Variants in PCDHA11 observed in about 807,000 individuals in gnomAD.
PCDHA11 encodes the protein protocadherin alpha-11.
Under a neutral mutation model 70.3 loss-of-function variants are expected in PCDHA11, and 61 were observed. The observed-to-expected ratio is 0.87, with a 90% confidence interval of 0.71 to 1.07. PCDHA11 has a LOEUF of 1.07. Ranked by LOEUF, PCDHA11 falls within the 50% of genes least tolerant of loss-of-function variation. The pLI is 0.00. For synonymous variants in PCDHA11, 633 were observed against 555.1 expected, an observed-to-expected ratio of 1.14 and a Z score of -1.97; for missense variants, 1,324 against 1,237.5, an observed-to-expected ratio of 1.07 and a Z score of -1.05.
intron 1 of PCDHA11, among the ~76,000 whole-genome samples, chr5:140,903,450 T>A (rs2070311741): frequency 2.6e-5 from 4 of 152,202 alleles, no homozygotes; most frequent in Admixed American, 1.3e-4. Flanking sequence ...ATTCATCTGA[T>A]CAAACTTAAA....
intron 1 of PCDHA11, among the ~76,000 whole-genome samples, chr5:140,914,381 T>C (rs192645626): frequency 1.7e-4 from 26 of 152,352 alleles, no homozygotes; most frequent in Admixed American, 2.6e-4. Flanking sequence ...TTATCTGTTA[T>C]AAGTGTAGTT....
intron 1 of PCDHA11, among the ~76,000 whole-genome samples, chr5:140,904,764 A>G (rs1354356510): frequency 2.0e-5 from 3 of 152,240 alleles, no homozygotes; most frequent in African/African-American, 4.8e-5. Context: ...CAAGAATAAG[A>G]TGGTATCACA....
intron 1 of PCDHA11, among the ~76,000 whole-genome samples, chr5:140,898,010 T>A (rs2066467224): frequency 6.6e-6 from 1 of 152,240 alleles, no homozygotes; most frequent in African/African-American, 2.4e-5. Context: ...TCTGTTCATA[T>A]CCTTTGCCCA....
At chr5:140,917,015 G>A (rs538557329) in intron 1 of PCDHA11, among the ~76,000 whole-genome samples, 1 of 152,240 alleles carries the variant, frequency 6.6e-6, no homozygotes, top group East Asian at 1.9e-4. Flanking sequence ...CTCCCTTCAT[G>A]TGCAGCTGCT....
chr5:140,876,511 G>A lies in PCDHA11; in HGVS notation c.2391+5017G>A, dbSNP rs559810221. 2.4e-4 allele frequency: 380 copies of A among 1,614,076 alleles called. 4 individuals carry two copies. The South Asian group carries it at 3.9e-3, about 16-fold the overall frequency. ...GGAAGTTCTGGACGTGAATGACAATGTCCCTGAAGTAATGGTTACTTCACT... is the reference window on the plus strand; with the variant it reads ...GGAAGTTCTGGACGTGAATGACAATATCCCTGAAGTAATGGTTACTTCACT... On this transcript the variant is annotated intron_variant, in intron 1 of 3. Coordinates refer to ENST00000398640, the MANE Select transcript of PCDHA11 (RefSeq NM_018902.5).
chr5:140,961,878 C>A (rs2095639757), intron 1 of PCDHA11, among the ~76,000 whole-genome samples: 1 of 150,888 alleles, frequency 6.6e-6, no homozygotes, highest in Non-Finnish European at 1.5e-5. Context: ...AATTGACTTA[C>A]TTACATCAGT....
intron 1 of PCDHA11, among the ~76,000 whole-genome samples, chr5:140,922,582 G>A (rs548638056): frequency 2.6e-5 from 4 of 152,276 alleles, no homozygotes; most frequent in Non-Finnish European, 4.4e-5. Context: ...CCCTGTAGCC[G>A]CCAGTTCTCA....
chr5:140,937,937 G>T (rs1584936873), intron 1 of PCDHA11, among the ~76,000 whole-genome samples: 1 of 151,274 alleles, frequency 6.6e-6, no homozygotes. Flanking sequence ...AGTTTAATTT[G>T]ATAATTGGCT....
chr5:140,975,216 G>A (rs1349439819), intron 1 of PCDHA11, among the ~76,000 whole-genome samples: 1 of 152,198 alleles, frequency 6.6e-6, no homozygotes, highest in Non-Finnish European at 1.5e-5. Context: ...TGGCACTGGA[G>A]AATCTTCCCT....
intron 1 of PCDHA11, among the ~76,000 whole-genome samples, chr5:140,933,958 G>A (rs2089541288): frequency 1.3e-5 from 2 of 151,998 alleles, no homozygotes; most frequent in South Asian, 4.1e-4. Context: ...AGGATCTGTA[G>A]TGATGTTTCC....
chr5:140,942,197 T>C (rs2093245078), intron 1 of PCDHA11, among the ~76,000 whole-genome samples: 1 of 152,170 alleles, frequency 6.6e-6, no homozygotes, highest in African/African-American at 2.4e-5. Context: ...TAAAATACAT[T>C]TTTGAGCATA....
intron 1 of PCDHA11, among the ~76,000 whole-genome samples, chr5:140,932,112 T>C (rs1211067626): frequency 6.6e-6 from 1 of 151,944 alleles, no homozygotes; most frequent in African/African-American, 2.4e-5. Flanking sequence ...GTATTTCCAA[T>C]TGATAATATT....
At chr5:141,008,440 A>T (rs545076432) in intron 3 of PCDHA11, among the ~76,000 whole-genome samples, 196 of 152,294 alleles carry the variant, frequency 1.3e-3, no homozygotes, top group South Asian at 8.7e-3. Flanking sequence ...GCCCAGACAG[A>T]CCATTACCCT....
intron 1 of PCDHA11, chr5:140,883,550 C>A: frequency 6.2e-7 from 1 of 1,614,188 alleles, no homozygotes; most frequent in Non-Finnish European, 8.5e-7. Flanking sequence ...GGTGACCGCG[C>A]GGGACGGGGG....
intron 1 of PCDHA11, among the ~76,000 whole-genome samples, chr5:140,962,792 T>C (rs1554226245): frequency 6.6e-6 from 1 of 152,234 alleles, no homozygotes; most frequent in African/African-American, 2.4e-5. Context: ...AAAAACTACT[T>C]TGGACAACTC....
At chr5:140,989,410 C>T (rs568177388) in intron 3 of PCDHA11, among the ~76,000 whole-genome samples, 1 of 152,230 alleles carries the variant, frequency 6.6e-6, no homozygotes, top group South Asian at 2.1e-4. Context: ...GGAGAGTCTG[C>T]ACTTCACTCT....
At chr5:140,959,090 G>A (rs797041561) in intron 1 of PCDHA11, among the ~76,000 whole-genome samples, 2 of 151,986 alleles carry the variant, frequency 1.3e-5, no homozygotes, top group African/African-American at 2.4e-5. Flanking sequence ...CCTTGGTTTC[G>A]GACATTCAGC....
intron 1 of PCDHA11, chr5:140,883,939 C>T (rs782266148): frequency 6.2e-7 from 1 of 1,613,422 alleles, no homozygotes; most frequent in Non-Finnish European, 8.5e-7. Context: ...TCGTGCTGGA[C>T]GAGAACGACA....
At chr5:141,007,507 G>A (rs2098333216) in intron 3 of PCDHA11, among the ~76,000 whole-genome samples, 1 of 151,980 alleles carries the variant, frequency 6.6e-6, no homozygotes, top group Admixed American at 6.6e-5. Flanking sequence ...GGCAGAGACT[G>A]CAGTGAGCTG....
Sources: allele counts gnomAD v4.1 joint callset (sites outside exome capture counted in the v4.1 genomes callset), GRCh38; gene constraint gnomAD v4.1.1; transcripts MANE v1.5; gene names NCBI Gene and HGNC (gene_info 2026-07-23, HGNC 2026-07-21).